The following QTMAN variants were observed in gnomAD, a reference collection of about 807,000 sequenced individuals.
QTMAN encodes queuosine-tRNA mannosyltransferase.
the QTMAN span, chr2:143,939,366 TA>T: frequency 2.0e-5 from 3 of 152,204 alleles, no homozygotes; most frequent in Admixed American, 2.0e-4. Context: ...AGTTATGATT[TA>T]TTTTTTTAAA....
chr2:144,163,309 TAAC>T, the QTMAN span, among the ~76,000 whole-genome samples: 74 of 152,080 alleles, frequency 4.9e-4, no homozygotes, highest in Admixed American at 5.2e-4. Flanking sequence ...TAAAAAATAT[TAAC>T]AATAAAACTT....
chr2:144,064,926 A>G, the QTMAN span, among the ~76,000 whole-genome samples: 1 of 152,188 alleles, frequency 6.6e-6, no homozygotes, highest in Non-Finnish European at 1.5e-5. Context: ...GAATAGATCA[A>G]ATGTGATAAG....
At chr2:144,101,079 A>G in the QTMAN span, among the ~76,000 whole-genome samples, 2 of 152,008 alleles carry the variant, frequency 1.3e-5, no homozygotes, top group Non-Finnish European at 2.9e-5. Flanking sequence ...CATGTTAGCC[A>G]GGATGGTCTC....
At chr2:144,144,239 C>T in the QTMAN span, among the ~76,000 whole-genome samples, 1 of 151,900 alleles carries the variant, frequency 6.6e-6, no homozygotes, top group Non-Finnish European at 1.5e-5. Flanking sequence ...GACCCAATGA[C>T]TTACATTCTT....
the QTMAN span, chr2:144,007,298 A>C: frequency 6.2e-7 from 1 of 1,613,248 alleles, no homozygotes; most frequent in Non-Finnish European, 8.5e-7. Flanking sequence ...AGCTTGAATT[A>C]TCTGACGAGG....
chr2:144,105,315 G>A, the QTMAN span, among the ~76,000 whole-genome samples: 1 of 152,190 alleles, frequency 6.6e-6, no homozygotes, highest in African/African-American at 2.4e-5. Flanking sequence ...CCGAGCTAAA[G>A]GAGGAAGTTC....
At chr2:144,172,262 G>A in the QTMAN span, among the ~76,000 whole-genome samples, 708 of 151,694 alleles carry the variant, frequency 4.7e-3, 6 homozygotes, top group African/African-American at 0.015. Context: ...AGATTTAAAC[G>A]ACTTAAATAT....
At chr2:144,066,268 C>T in the QTMAN span, among the ~76,000 whole-genome samples, 3 of 152,022 alleles carry the variant, frequency 2.0e-5, no homozygotes, top group Admixed American at 2.0e-4. Flanking sequence ...TTCTGGACTA[C>T]ATACTAGGAT....
At chr2:144,279,715 A>G in the QTMAN span, among the ~76,000 whole-genome samples, 6 of 152,360 alleles carry the variant, frequency 3.9e-5, no homozygotes, top group African/African-American at 1.4e-4. Flanking sequence ...GCCACCAAAA[A>G]GTAACTCATG....
At chr2:144,022,581 T>TC in the QTMAN span, among the ~76,000 whole-genome samples, 2 of 147,810 alleles carry the variant, frequency 1.4e-5, no homozygotes, top group African/African-American at 5.0e-5. Context: ...TTTTTTTTTT[T>TC]TGAGATGTAG....
the QTMAN span, among the ~76,000 whole-genome samples, chr2:143,989,528 G>A: frequency 1.3e-5 from 2 of 152,152 alleles, no homozygotes; most frequent in Non-Finnish European, 2.9e-5. Context: ...GAATGAGGAT[G>A]ATTAGGCAGA....
At chr2:144,280,014 G>C in the QTMAN span, among the ~76,000 whole-genome samples, 9 of 152,280 alleles carry the variant, frequency 5.9e-5, no homozygotes, top group Middle Eastern at 3.4e-3. Flanking sequence ...TCAGCACAAA[G>C]AGAAAATGTT....
chr2:144,049,037 G>C, the QTMAN span, among the ~76,000 whole-genome samples: 1 of 151,606 alleles, frequency 6.6e-6, no homozygotes, highest in Non-Finnish European at 1.5e-5. Flanking sequence ...TGTAGATCTA[G>C]CTGTAAATAT....
At chr2:144,168,904 A>G in the QTMAN span, among the ~76,000 whole-genome samples, 1 of 152,098 alleles carries the variant, frequency 6.6e-6, no homozygotes, top group Admixed American at 6.6e-5. Context: ...TAAAAAAACC[A>G]TTAAGCTATG....
the QTMAN span, among the ~76,000 whole-genome samples, chr2:144,113,327 A>G: frequency 6.6e-6 from 1 of 152,166 alleles, no homozygotes; most frequent in African/African-American, 2.4e-5. Context: ...ACAATGAATG[A>G]GCTCAACTGT....
the QTMAN span, among the ~76,000 whole-genome samples, chr2:144,018,394 T>C: frequency 2.0e-5 from 3 of 152,172 alleles, no homozygotes; most frequent in African/African-American, 7.2e-5. Context: ...AAATTGATTA[T>C]ATTGCTATCT....
the QTMAN span, among the ~76,000 whole-genome samples, chr2:144,211,766 A>AG: frequency 6.6e-6 from 1 of 152,224 alleles, no homozygotes; most frequent in African/African-American, 2.4e-5. Context: ...AAAAAGAAAA[A>AG]AAAAACCACT....
the QTMAN span, among the ~76,000 whole-genome samples, chr2:144,241,768 G>A: frequency 2.0e-5 from 3 of 151,808 alleles, no homozygotes; most frequent in Admixed American, 6.6e-5. Context: ...TACCTAGTGT[G>A]TAAGTGTGTA....
At chr2:144,105,262 T>G in the QTMAN span, among the ~76,000 whole-genome samples, 2 of 152,122 alleles carry the variant, frequency 1.3e-5, no homozygotes, top group East Asian at 1.9e-4. Flanking sequence ...GGAGAATGAC[T>G]TTGAAGAGCT....
Sources: gnomAD v4.1 joint callset for allele counts (sites outside exome capture counted in the v4.1 genomes callset) on GRCh38, gnomAD v4.1.1 for gene constraint, MANE v1.5 for transcripts, NCBI Gene and HGNC (gene_info 2026-07-23, HGNC 2026-07-21) for gene names.